Variants in EXOC6B observed in about 807,000 individuals in gnomAD.
EXOC6B encodes the protein exocyst complex component 6B.
Under a neutral mutation model 113.5 loss-of-function variants are expected in EXOC6B, and 54 were observed. That is an observed-to-expected ratio of 0.48 (90% CI 0.38 to 0.60). The LOEUF (loss-of-function observed/expected upper bound fraction) is 0.60, where lower values mean the gene tolerates loss of function less well. EXOC6B is among the 20% of genes least tolerant of loss of function. EXOC6B has a pLI of 0.00. For synonymous variants in EXOC6B, 357 were observed against 339.0 expected (o/e 1.05, Z -0.58); for missense variants, 797 against 977.5 (o/e 0.82, Z 2.46).
In EXOC6B at chr2:72,308,467, T is replaced by TA. The variant is rs1173517811; in HGVS notation, c.2196+26479dup. The stretch of plus-strand genomic sequence containing the variant: ...TAAGAAGGAATACGTTAAGCTAAAG[T>TA]AAAAAAACTTTTCTAACTAATTCAC... On this transcript the variant is annotated intron_variant, in intron 20 of 21. Coordinates refer to ENST00000272427, the MANE Select transcript of EXOC6B (RefSeq NM_015189.3). 1.1e-4 allele frequency among the ~76,000 whole-genome samples: 17 copies of TA among 152,234 alleles called. 1 individual carries two copies. The highest frequency in any genetic ancestry group is 3.4e-3 in the Middle Eastern group (1 of 294).
chr2:72,521,821 T>C (rs1481539413), intron 8 of EXOC6B, among the ~76,000 whole-genome samples: 1 of 152,048 alleles, frequency 6.6e-6, no homozygotes, highest in African/African-American at 2.4e-5. Flanking sequence ...CTCAGCCTCC[T>C]GAGTAGCTGG....
At chr2:72,755,074 C>T (rs1280087722) in intron 1 of EXOC6B, among the ~76,000 whole-genome samples, 1 of 152,196 alleles carries the variant, frequency 6.6e-6, no homozygotes, top group Non-Finnish European at 1.5e-5. Context: ...CATTCACCAA[C>T]TGGCTCTCAC....
At chr2:72,483,776 A>C (rs1207591687) in intron 16 of EXOC6B, among the ~76,000 whole-genome samples, 1 of 152,208 alleles carries the variant, frequency 6.6e-6, no homozygotes, top group Non-Finnish European at 1.5e-5. Context: ...ATAATTTCAA[A>C]TTGAAAGATA....
At chr2:72,710,703 T>TA (rs1679217185) in intron 6 of EXOC6B, among the ~76,000 whole-genome samples, 1 of 152,166 alleles carries the variant, frequency 6.6e-6, no homozygotes, top group Non-Finnish European at 1.5e-5. Context: ...GTGCCAGATC[T>TA]AAGTCAAAAG....
At chr2:72,401,568 T>TATATATATATAC (rs1693240488) in intron 18 of EXOC6B, among the ~76,000 whole-genome samples, 1 of 23,924 alleles carries the variant, frequency 4.2e-5, no homozygotes, top group Non-Finnish European at 6.6e-5. Flanking sequence ...TATATATACA[T>TATATATATATAC]ATATATATAT....
chr2:72,280,470 T>C (rs1685065433), intron 20 of EXOC6B, among the ~76,000 whole-genome samples: 1 of 152,164 alleles, frequency 6.6e-6, no homozygotes, highest in Non-Finnish European at 1.5e-5. Context: ...TCACTGGACA[T>C]TAAAATTAAA....
At chr2:72,617,158 C>T (rs558065053) in intron 6 of EXOC6B, among the ~76,000 whole-genome samples, 1 of 152,322 alleles carries the variant, frequency 6.6e-6, no homozygotes, top group Admixed American at 6.5e-5. Flanking sequence ...GAAGTGGGCT[C>T]CCACGGCCTT....
chr2:72,755,876 G>T (rs547222267), intron 1 of EXOC6B, among the ~76,000 whole-genome samples: 2 of 152,192 alleles, frequency 1.3e-5, no homozygotes, highest in African/African-American at 2.4e-5. Flanking sequence ...ATTGCTTCCA[G>T]GTGGAAATTT....
intron 19 of EXOC6B, among the ~76,000 whole-genome samples, chr2:72,366,097 A>T (rs1416798748): frequency 6.6e-6 from 1 of 152,172 alleles, no homozygotes; most frequent in Non-Finnish European, 1.5e-5. Context: ...GGACAATATG[A>T]CCTATAATCA....
intron 1 of EXOC6B, among the ~76,000 whole-genome samples, chr2:72,748,748 C>T (rs1179847779): frequency 6.6e-6 from 1 of 151,902 alleles, no homozygotes; most frequent in African/African-American, 2.4e-5. Context: ...ATGGCTATTT[C>T]CAGAGGAATA....
intron 20 of EXOC6B, among the ~76,000 whole-genome samples, chr2:72,240,910 C>T (rs923380703): frequency 3.9e-5 from 6 of 152,088 alleles, no homozygotes; most frequent in South Asian, 2.1e-4. Context: ...CAAATCACTG[C>T]CTCAAAAATT....
chr2:72,514,074 C>T (rs1329995676), intron 10 of EXOC6B, among the ~76,000 whole-genome samples: 1 of 152,086 alleles, frequency 6.6e-6, no homozygotes. Context: ...ACTATATACA[C>T]CCTAGATGAG....
chr2:72,650,258 C>G (rs572802845), intron 6 of EXOC6B, among the ~76,000 whole-genome samples: 78 of 152,324 alleles, frequency 5.1e-4, no homozygotes, highest in African/African-American at 1.7e-3. Flanking sequence ...AAATTGTCTT[C>G]ATGAAACCAG....
intron 17 of EXOC6B, among the ~76,000 whole-genome samples, chr2:72,467,603 A>T (rs1313838976): frequency 6.6e-6 from 1 of 152,016 alleles, no homozygotes; most frequent in Non-Finnish European, 1.5e-5. Context: ...TTTTTCATAT[A>T]CCTCTTGGTC....
intron 20 of EXOC6B, among the ~76,000 whole-genome samples, chr2:72,298,582 G>A (rs908574925): frequency 2.1e-4 from 32 of 152,136 alleles, no homozygotes; most frequent in African/African-American, 7.2e-4. Flanking sequence ...TCACAGTGTC[G>A]ATGGTCTTTA....
intron 20 of EXOC6B, among the ~76,000 whole-genome samples, chr2:72,281,986 C>T (rs7583271): frequency 0.37 from 56,769 of 151,964 alleles, 14,038 homozygotes; most frequent in African/African-American, 0.7. Context: ...AATGGAACTA[C>T]ATATTTGAAT....
chr2:72,547,975 T>C (rs960327209), intron 8 of EXOC6B, among the ~76,000 whole-genome samples: 1 of 152,204 alleles, frequency 6.6e-6, no homozygotes, highest in African/African-American at 2.4e-5. Context: ...TGTACGTGAA[T>C]GTGAAGATTT....
intron 6 of EXOC6B, among the ~76,000 whole-genome samples, chr2:72,630,422 T>A (rs1377514280): frequency 2.0e-5 from 3 of 152,208 alleles, no homozygotes; most frequent in African/African-American, 7.2e-5. Context: ...AATAAACATC[T>A]AGAGATTAAC....
At chr2:72,786,454 T>C (rs754974476) in intron 1 of EXOC6B, among the ~76,000 whole-genome samples, 5 of 152,232 alleles carry the variant, frequency 3.3e-5, no homozygotes, top group African/African-American at 4.8e-5. Context: ...AGGTGACTAA[T>C]GTAAACAACT....
Sources: allele counts gnomAD v4.1 joint callset (sites outside exome capture counted in the v4.1 genomes callset), GRCh38; gene constraint gnomAD v4.1.1; transcripts MANE v1.5; gene names NCBI Gene and HGNC (gene_info 2026-07-23, HGNC 2026-07-21).